ZC3H12B: variants seen among roughly 807,000 people sequenced by gnomAD.
ZC3H12B encodes zinc finger CCCH-type containing 12B.
Under a neutral mutation model 43.9 loss-of-function variants are expected in ZC3H12B, and 7 were observed. The ratio of observed to expected loss-of-function variants is 0.16; its 90% CI spans 0.09 to 0.30. ZC3H12B has a LOEUF of 0.30. Among genes scored for constraint, ZC3H12B ranks in the 10% least tolerant of loss-of-function variants. The pLI is 1.00. For synonymous variants in ZC3H12B, 222 were observed against 241.7 expected, an observed-to-expected ratio of 0.92 and a Z score of 0.76; for missense variants, 475 against 670.2, an observed-to-expected ratio of 0.71 and a Z score of 3.22.
At chrX:65,101,480 T>A in the ZC3H12B span, among the ~76,000 whole-genome samples, 2 of 110,369 alleles carry the variant, frequency 1.8e-5, no homozygotes, top group Non-Finnish European at 3.8e-5. Context: ...ATTAACAAAA[T>A]AAATAAACCA....
At chrX:65,324,800 TC>T in the ZC3H12B span, among the ~76,000 whole-genome samples, 1 of 110,736 alleles carries the variant, frequency 9.0e-6, no homozygotes, top group African/African-American at 3.3e-5. Context: ...TCTCTGTATG[TC>T]TTTTGTTTCC....
chrX:65,105,938 G>A, the ZC3H12B span, among the ~76,000 whole-genome samples: 1 of 111,650 alleles, frequency 9.0e-6, no homozygotes, highest in South Asian at 3.7e-4. Context: ...GAACTGAAGT[G>A]AATAAATTGA....
At chrX:65,153,229 A>C in the ZC3H12B span, among the ~76,000 whole-genome samples, 5 of 112,259 alleles carry the variant, frequency 4.5e-5, no homozygotes, top group South Asian at 1.9e-3. Flanking sequence ...CAAAATTGAC[A>C]AATGGGATCT....
chrX:65,089,307 G>T, the ZC3H12B span, among the ~76,000 whole-genome samples: 10 of 111,879 alleles, frequency 8.9e-5, no homozygotes, highest in African/African-American at 3.2e-4. Flanking sequence ...CTACAAACCT[G>T]TACAGCATGT....
the ZC3H12B span, among the ~76,000 whole-genome samples, chrX:65,166,387 T>G: frequency 8.9e-6 from 1 of 112,040 alleles, no homozygotes; most frequent in Non-Finnish European, 1.9e-5. Context: ...TCGTTTTTTA[T>G]GGCTGCATAG....
At chrX:65,202,037 T>C in the ZC3H12B span, among the ~76,000 whole-genome samples, 1 of 89,754 alleles carries the variant, frequency 1.1e-5, no homozygotes, top group East Asian at 3.3e-4. Flanking sequence ...TATAAATTAC[T>C]TTATAATATA....
At chrX:65,163,424 C>G in the ZC3H12B span, among the ~76,000 whole-genome samples, 3 of 111,549 alleles carry the variant, frequency 2.7e-5, no homozygotes, top group South Asian at 1.1e-3. Context: ...GGGCTCCACC[C>G]AGTTCGAGCT....
chrX:65,102,359 A>G, the ZC3H12B span, among the ~76,000 whole-genome samples: 3 of 111,979 alleles, frequency 2.7e-5, no homozygotes, highest in South Asian at 7.5e-4. Context: ...ACTCCTATTC[A>G]TCACAGTATT....
At chrX:65,478,099 T>C (rs1307607761) in intron 3 of ZC3H12B, among the ~76,000 whole-genome samples, 1 of 111,990 alleles carries the variant, frequency 8.9e-6, no homozygotes, top group African/African-American at 3.2e-5. Flanking sequence ...TACATTCCTT[T>C]TGTTCTTTGA....
chrX:65,162,046 G>A, the ZC3H12B span, among the ~76,000 whole-genome samples: 9,140 of 111,029 alleles, frequency 0.082, 1,023 homozygotes, highest in African/African-American at 0.29. Flanking sequence ...GGCTGGATAT[G>A]AAATTCTGGG....
the ZC3H12B span, among the ~76,000 whole-genome samples, chrX:65,145,240 CT>C: frequency 0.11 from 10,934 of 98,426 alleles, 1,543 homozygotes; most frequent in African/African-American, 0.37. Flanking sequence ...TCTTCGTTTT[CT>C]TTTTTTTTTT....
At chrX:65,104,891 A>G in the ZC3H12B span, among the ~76,000 whole-genome samples, 1 of 111,639 alleles carries the variant, frequency 9.0e-6, no homozygotes, top group Non-Finnish European at 1.9e-5. Flanking sequence ...TGACCCAGCA[A>G]TCCCATTACT....
rs368407795 is a variant in ZC3H12B, at chrX:65,390,761, T to C, written n.296-7832T>C. ...TTTACAGAACATTTCATTCAACAGC[T>C]GCAGAATACACATTATTTTCCTCAG... On this transcript the variant is annotated intron_variant and non_coding_transcript_variant, in intron 2 of 5. Transcript: ENST00000617377. 1.9e-4 allele frequency among the ~76,000 whole-genome samples: 21 copies of C among 110,699 alleles called. No homozygotes were observed. In the East Asian group the frequency reaches 4.8e-3, roughly 25 times the overall value.
At chrX:65,270,383 A>G in the ZC3H12B span, among the ~76,000 whole-genome samples, 1 of 112,018 alleles carries the variant, frequency 8.9e-6, no homozygotes, top group Non-Finnish European at 1.9e-5. Context: ...AAAACGATTC[A>G]AAATGGATAA....
At chrX:65,225,685 G>C in the ZC3H12B span, among the ~76,000 whole-genome samples, 844 of 112,282 alleles carry the variant, frequency 7.5e-3, 5 homozygotes, top group Middle Eastern at 0.023. Context: ...CTTAAAGGAG[G>C]TGATGGAGCT....
chrX:65,070,026 T>A, the ZC3H12B span, among the ~76,000 whole-genome samples: 2 of 99,529 alleles, frequency 2.0e-5, no homozygotes, highest in Non-Finnish European at 4.1e-5. Context: ...GTGGTACAGA[T>A]TTTTTTTTTT....
At chrX:65,457,809 G>A (rs2067652278) in intron 3 of ZC3H12B, among the ~76,000 whole-genome samples, 1 of 63,068 alleles carries the variant, frequency 1.6e-5, no homozygotes, top group African/African-American at 1.0e-4. Flanking sequence ...GTCCACTCAG[G>A]GTTAAATGGA....
the ZC3H12B span, among the ~76,000 whole-genome samples, chrX:65,195,369 T>C: frequency 1.5e-3 from 168 of 111,679 alleles, no homozygotes; most frequent in African/African-American, 5.3e-3. Flanking sequence ...AGCTTGCAAA[T>C]ACCTGTAACC....
At chrX:65,218,851 G>A in the ZC3H12B span, among the ~76,000 whole-genome samples, 34 of 111,834 alleles carry the variant, frequency 3.0e-4, no homozygotes, top group Admixed American at 3.2e-3. Flanking sequence ...CCTCCTGGCT[G>A]GAAGACAACC....
Sources: gnomAD v4.1 joint callset for allele counts (sites outside exome capture counted in the v4.1 genomes callset) on GRCh38, gnomAD v4.1.1 for gene constraint, MANE v1.5 for transcripts, NCBI Gene and HGNC (gene_info 2026-07-23, HGNC 2026-07-21) for gene names.